Variants in EPHB2 observed in about 807,000 individuals in gnomAD.
EPHB2 encodes ephrin type-B receptor 2.
Under a neutral mutation model 96.4 loss-of-function variants are expected in EPHB2, and 18 were observed. That is an observed-to-expected ratio of 0.19 (90% CI 0.13 to 0.28). The LOEUF (loss-of-function observed/expected upper bound fraction) is 0.28, where lower values mean the gene tolerates loss of function less well. EPHB2 is among the 10% of genes least tolerant of loss of function. The pLI is 1.00. For missense variants in EPHB2, 989 were observed against 1,355.4 expected (o/e 0.73, Z 4.25); for synonymous variants, 506 against 534.1 (o/e 0.95, Z 0.72).
In EPHB2 at chr1:22,752,594, G is replaced by A. The variant is rs1210101109; in HGVS notation, c.62-28827G>A. ...TTACCACGTAGTCAGGACATACAAG[G>A]GAATTAAAACCTGCTTTTTAGTAAG... On this transcript the variant is annotated intron_variant, in intron 1 of 15. Coordinates refer to ENST00000374630, the MANE Select transcript of EPHB2 (RefSeq NM_017449.5). 2.7e-5 allele frequency among the ~76,000 whole-genome samples: 4 copies of A among 150,232 alleles called. No homozygotes were observed. In the East Asian group the frequency reaches 7.8e-4, roughly 29 times the overall value.
At chr1:22,711,637 C>T (rs1459787329) in intron 1 of EPHB2, among the ~76,000 whole-genome samples, 1 of 151,998 alleles carries the variant, frequency 6.6e-6, no homozygotes, top group African/African-American at 2.4e-5. Flanking sequence ...CAATGGGGTC[C>T]CCTCCCCGAG....
intron 1 of EPHB2, among the ~76,000 whole-genome samples, chr1:22,732,392 C>T (rs889133397): frequency 1.5e-4 from 23 of 152,132 alleles, no homozygotes; most frequent in African/African-American, 4.8e-4. Flanking sequence ...CGTGGGGGGC[C>T]GGAGGGCGGC....
At chr1:22,711,701 G>A (rs1643151258) in intron 1 of EPHB2, among the ~76,000 whole-genome samples, 1 of 152,074 alleles carries the variant, frequency 6.6e-6, no homozygotes, top group Admixed American at 6.5e-5. Context: ...CAAGGTCTCC[G>A]GGCACCCCCG....
intron 3 of EPHB2, among the ~76,000 whole-genome samples, chr1:22,816,516 C>T (rs77967962): frequency 0.016 from 2,361 of 152,302 alleles, 52 homozygotes; most frequent in African/African-American, 0.054. Context: ...TTGCCATCCT[C>T]TGGGCCTTGG....
chr1:22,909,036 C>T lies in EPHB2; in HGVS notation c.2367C>T (p.Pro789=), dbSNP rs1179557164. The part of the protein sequence containing the change: ...TYTSALGGKI[P]IRWTAPEAIQ... ...CTGTCTCCCAGGGCGGAAAGATCCCCATCCGCTGGACAGCCCCGGAAGCCA... is the reference window on the plus strand; with the variant it reads ...CTGTCTCCCAGGGCGGAAAGATCCCTATCCGCTGGACAGCCCCGGAAGCCA... Residue 789 remains proline, a synonymous_variant, in exon 13 of 16, where the codon CCC becomes CCT. Transcript: ENST00000374630. The T allele has an allele frequency of 6.2e-7, 1 of 1,614,202 alleles. No individual in the cohort carries two copies. The highest frequency in any genetic ancestry group is 8.5e-7 in the Non-Finnish European group (1 of 1,180,038).
chr1:22,871,960 GA>G (rs1165671385), intron 5 of EPHB2, among the ~76,000 whole-genome samples: 3 of 151,472 alleles, frequency 2.0e-5, no homozygotes, highest in Non-Finnish European at 4.4e-5. Context: ...AGGTTGCAGT[GA>G]GCAGAGATCG....
chr1:22,849,245 C>A (rs889126976), intron 3 of EPHB2, among the ~76,000 whole-genome samples: 3 of 152,178 alleles, frequency 2.0e-5, no homozygotes, highest in Non-Finnish European at 4.4e-5. Context: ...TCTTCAAGGT[C>A]ACTTTTGCAG....
At chr1:22,761,917 C>T (rs906507828) in intron 1 of EPHB2, among the ~76,000 whole-genome samples, 21 of 152,366 alleles carry the variant, frequency 1.4e-4, no homozygotes, top group African/African-American at 4.8e-4. Flanking sequence ...GGGGCGTCCA[C>T]GTGTCTGCTG....
chr1:22,883,756 C>A (rs925176837), intron 6 of EPHB2, among the ~76,000 whole-genome samples: 9 of 152,150 alleles, frequency 5.9e-5, no homozygotes, highest in Admixed American at 3.9e-4. Context: ...CTTTGCCGGC[C>A]GTCTTACCAT....
chr1:22,910,059 G>T (rs1218477545), intron 13 of EPHB2, among the ~76,000 whole-genome samples: 1 of 152,158 alleles, frequency 6.6e-6, no homozygotes, highest in Admixed American at 6.5e-5. Context: ...CCAAGAGGGG[G>T]CTCACAGGAT....
chr1:22,910,463 T>A lies in EPHB2; in HGVS notation c.2584T>A (p.Cys862Ser). ...PSALHQLMLD[C>S]WQKDRNHRPK... ...CGCCCTGCACCAACTCATGCTGGACTGTTGGCAGAAGGACCGCAACCACCG... is the reference window on the plus strand; with the variant it reads ...CGCCCTGCACCAACTCATGCTGGACAGTTGGCAGAAGGACCGCAACCACCG... Residue 862 changes from cysteine to serine, a missense_variant, in exon 14 of 16, where the codon TGT becomes AGT. Transcript: ENST00000374630. 1.2e-6 allele frequency: 2 copies of A among 1,614,208 alleles called. No individual in the cohort carries two copies. Among genetic ancestry groups the A allele is most frequent in the Non-Finnish European group, 1.7e-6 (2 of 1,180,016 alleles).
At chr1:22,738,927 G>T (rs953058542) in intron 1 of EPHB2, among the ~76,000 whole-genome samples, 5 of 152,188 alleles carry the variant, frequency 3.3e-5, no homozygotes, top group African/African-American at 1.2e-4. Context: ...GCAGGTTGGG[G>T]AGGATACCAG....
chr1:22,896,348 C>T, intron 8 of EPHB2, 66 bp from the exon 9 acceptor site: 2 of 1,608,982 alleles, frequency 1.2e-6, no homozygotes, highest in Non-Finnish European at 1.7e-6. Context: ...TCCCTATCAC[C>T]TACTGTGGCT....
At chr1:22,712,824 C>T (rs981315768) in intron 1 of EPHB2, among the ~76,000 whole-genome samples, 27 of 152,166 alleles carry the variant, frequency 1.8e-4, no homozygotes, top group Non-Finnish European at 2.6e-4. Context: ...TGCGTTGGCC[C>T]GCTATACATT....
intron 3 of EPHB2, among the ~76,000 whole-genome samples, chr1:22,803,812 G>A (rs1644885141): frequency 6.6e-6 from 1 of 151,398 alleles, no homozygotes; most frequent in South Asian, 2.1e-4. Flanking sequence ...TACTAGGGAG[G>A]CTGAGGTGGG....
At chr1:22,752,156 G>C (rs1644073673) in intron 1 of EPHB2, among the ~76,000 whole-genome samples, 1 of 152,240 alleles carries the variant, frequency 6.6e-6, no homozygotes, top group South Asian at 2.1e-4. Context: ...CTTCACAGGT[G>C]TTATTTATGA....
At position 22,906,479 on chromosome 1, in the gene EPHB2, C is replaced by A. The variant is rs1639918752; in HGVS notation, c.1889-231C>A. Among the ~76,000 whole-genome samples the A allele has an allele frequency of 6.6e-6, 1 of 152,170 alleles. No individual in the cohort carries two copies. The highest frequency in any genetic ancestry group is 2.1e-4 in the South Asian group (1 of 4,828). On this transcript the variant is annotated intron_variant, in intron 10 of 15. Transcript: ENST00000374630. The surrounding 1 kb of genome is among the most constrained non-coding windows in gnomAD (Gnocchi z 4.8). ...CCTGCACCCTCACCCCCATGCCCAG[C>A]CAGGGATAACCAGAGAACAACCATG...
intron 3 of EPHB2, among the ~76,000 whole-genome samples, chr1:22,793,497 G>A (rs1020250720): frequency 1.3e-5 from 2 of 152,180 alleles, no homozygotes; most frequent in African/African-American, 4.8e-5. Flanking sequence ...GGAAAAAAAT[G>A]GTTGGAAATG....
chr1:22,831,729 C>T (rs1441737656), intron 3 of EPHB2, among the ~76,000 whole-genome samples: 2 of 152,024 alleles, frequency 1.3e-5, no homozygotes, highest in African/African-American at 2.4e-5. Flanking sequence ...ATCCAATCCC[C>T]GTGGCAGTAG....
Sources: gnomAD v4.1 joint callset for allele counts (sites outside exome capture counted in the v4.1 genomes callset) on GRCh38, gnomAD v4.1.1 for gene constraint, Gnocchi (gnomAD v3.1) non-coding constraint, MANE v1.5 for transcripts, NCBI Gene and HGNC (gene_info 2026-07-23, HGNC 2026-07-21) for gene names.